The following GSE1 variants were observed in gnomAD, a reference collection of about 807,000 sequenced individuals.
GSE1 encodes the protein genetic suppressor element 1.
GSE1 carries 32 observed loss-of-function variants against 112.6 expected under a neutral mutation model. The observed-to-expected ratio is 0.28, with a 90% CI of 0.21 to 0.38. The LOEUF (loss-of-function observed/expected upper bound fraction) is 0.38, where lower values mean the gene tolerates loss of function less well. GSE1 is among the 10% of genes least tolerant of loss of function. The probability of loss-of-function intolerance (pLI) is 1.00; values close to 1 mark genes in which losing one functional copy is unlikely to be tolerated. For synonymous variants in GSE1, 1,115 were observed against 735.6 expected (o/e 1.52, Z -8.35); for missense variants, 2,348 against 1,699.2 (o/e 1.38, Z -6.71).
chr16:85,224,616 C>T (rs918540299), intron 1 of GSE1, among the ~76,000 whole-genome samples: 4 of 152,070 alleles, frequency 2.6e-5, no homozygotes, highest in African/African-American at 2.4e-5. Flanking sequence ...GTGGTGTAGC[C>T]GTGGACGACA....
intron 2 of GSE1, among the ~76,000 whole-genome samples, chr16:85,388,350 G>C (rs62648811): frequency 3.0e-5 from 1 of 33,830 alleles, no homozygotes; most frequent in Non-Finnish European, 5.1e-5. Context: ...ATGGCTGGAT[G>C]GATGGGTGAG....
chr16:85,244,137 TG>T (rs1905393824), intron 1 of GSE1, among the ~76,000 whole-genome samples: 1 of 151,796 alleles, frequency 6.6e-6, no homozygotes. Context: ...CAAAAAAAAG[TG>T]GGGGGCATTA....
chr16:85,657,177 A>T, intron 7 of GSE1, 100 bp from the exon 8 acceptor site: 2 of 808,758 alleles, frequency 2.5e-6, no homozygotes, highest in Non-Finnish European at 3.8e-6. Flanking sequence ...ACCCTTTGGA[A>T]GGGCTCTGGT....
At chr16:85,660,178 A>G (rs2052314612) in intron 8 of GSE1, among the ~76,000 whole-genome samples, 1 of 152,228 alleles carries the variant, frequency 6.6e-6, no homozygotes, top group African/African-American at 2.4e-5. Flanking sequence ...GGGTTTCCCC[A>G]TGGAAAGTGC....
chr16:85,217,192 C>T (rs557415165), intron 1 of GSE1, among the ~76,000 whole-genome samples: 7 of 152,332 alleles, frequency 4.6e-5, no homozygotes, highest in African/African-American at 1.4e-4. Context: ...CTCCCTGTGA[C>T]GCGCTGCCTT....
intron 1 of GSE1, among the ~76,000 whole-genome samples, chr16:85,599,205 G>A (rs1273325425): frequency 2.0e-5 from 3 of 152,224 alleles, no homozygotes; most frequent in East Asian, 1.9e-4. Context: ...AACACATCTC[G>A]ATATCAGAGG....
intron 15 of GSE1, 87 bp from the exon 16 acceptor site, chr16:85,672,318 A>T (rs2053418131): frequency 2.0e-6 from 2 of 975,996 alleles, no homozygotes; most frequent in Admixed American, 2.0e-5. Context: ...ATGTAGGTTT[A>T]CCCTTCCATC....
intron 2 of GSE1, among the ~76,000 whole-genome samples, chr16:85,391,093 C>A (rs993453790): frequency 1.3e-5 from 2 of 152,182 alleles, no homozygotes; most frequent in African/African-American, 2.4e-5. Flanking sequence ...CACCGCCCCC[C>A]CACCGCCCCA....
intron 12 of GSE1, 127 bp from the exon 13 acceptor site, chr16:85,665,849 C>T: frequency 2.3e-6 from 2 of 856,232 alleles, no homozygotes; most frequent in African/African-American, 1.7e-5. Flanking sequence ...TTAAATGTTC[C>T]CCGGGTCTTG....
intron 13 of GSE1, 137 bp from the exon 14 acceptor site, chr16:85,668,003 T>C (rs1205968286): frequency 3.4e-5 from 23 of 679,026 alleles, no homozygotes; most frequent in Non-Finnish European, 1.3e-5. Context: ...CCCTCCTCTC[T>C]ACGCGATGTC....
rs576397229 is a variant in GSE1, at chr16:85,655,930, C to T, written c.989+13C>T. Reference sequence around the variant, plus strand: ...TCAGCGCGGAGAGGTAAGTGCGTCTCGAGCCGAGGAGCCCCTCTGCCCTCC... The same window carrying T: ...TCAGCGCGGAGAGGTAAGTGCGTCTTGAGCCGAGGAGCCCCTCTGCCCTCC... On this transcript the variant is annotated intron_variant, in intron 6 of 15. Transcript: ENST00000253458. 6 of 1,589,542 alleles carry T rather than the reference C, an allele frequency of 3.8e-6. No individual in the cohort carries two copies. Among genetic ancestry groups the T allele is most frequent in the Non-Finnish European group, 5.1e-6 (6 of 1,173,532 alleles).
chr16:85,359,292 G>T (rs1444327030), intron 2 of GSE1: 4 of 433,700 alleles, frequency 9.2e-6, no homozygotes, highest in African/African-American at 8.1e-5. Context: ...TCAGTGGAGG[G>T]CTCCGAGGAG....
chr16:85,558,124 A>T (rs1567587026), intron 1 of GSE1, among the ~76,000 whole-genome samples: 1 of 152,072 alleles, frequency 6.6e-6, no homozygotes, highest in East Asian at 1.9e-4. Context: ...GCCCTTGGGA[A>T]CTCAGAGCTA....
chr16:85,482,930 A>G (rs1161587327), intron 2 of GSE1, among the ~76,000 whole-genome samples: 5 of 150,398 alleles, frequency 3.3e-5, no homozygotes, highest in Admixed American at 1.3e-4. Flanking sequence ...GTGAGCCAAG[A>G]TTGCGCCATT....
chr16:85,586,205 T>C (rs1005718075), intron 1 of GSE1, among the ~76,000 whole-genome samples: 11 of 152,246 alleles, frequency 7.2e-5, no homozygotes, highest in African/African-American at 2.7e-4. Flanking sequence ...TACCCCAGTG[T>C]GACCTCATCT....
At chr16:85,252,855 C>T (rs1025040025) in intron 1 of GSE1, among the ~76,000 whole-genome samples, 5 of 152,184 alleles carry the variant, frequency 3.3e-5, no homozygotes, top group Admixed American at 6.5e-5. Context: ...TCAGCTTCTC[C>T]GAGCCTCAGT....
At chr16:85,220,594 C>T (rs559744666) in intron 1 of GSE1, among the ~76,000 whole-genome samples, 17 of 151,798 alleles carry the variant, frequency 1.1e-4, no homozygotes, top group African/African-American at 2.7e-4. Context: ...TTCAGCCTCC[C>T]CACACAGGCG....
chr16:85,358,821 G>A (rs1488202698), intron 2 of GSE1, among the ~76,000 whole-genome samples: 1 of 152,200 alleles, frequency 6.6e-6, no homozygotes, highest in African/African-American at 2.4e-5. Context: ...CACCTTGTCT[G>A]AGGACCTGCT....
chr16:85,213,807 G>C (rs531887748), intron 1 of GSE1, among the ~76,000 whole-genome samples: 219 of 152,362 alleles, frequency 1.4e-3, no homozygotes, highest in African/African-American at 5.1e-3. Context: ...CCGCTGCCCA[G>C]CCTGTGGGAG....
Sources: allele counts gnomAD v4.1 joint callset (sites outside exome capture counted in the v4.1 genomes callset), GRCh38; gene constraint gnomAD v4.1.1; transcripts MANE v1.5; gene names NCBI Gene and HGNC (gene_info 2026-07-23, HGNC 2026-07-21).